DNM3: variants seen among roughly 807,000 people sequenced by gnomAD.
DNM3 encodes the protein dynamin 3, also known as dynamin-3.
DNM3 carries 47 observed loss-of-function variants against 101.6 expected under a neutral mutation model. The ratio of observed to expected loss-of-function variants is 0.46; its 90% CI spans 0.37 to 0.59. DNM3 has a LOEUF of 0.59. DNM3 is among the 20% of genes least tolerant of loss of function. The pLI is 0.00. For synonymous variants in DNM3, 385 were observed against 387.9 expected (o/e 0.99, Z 0.09); for missense variants, 849 against 1,085.7 (o/e 0.78, Z 3.06).
intron 13 of DNM3, among the ~76,000 whole-genome samples, chr1:172,113,241 G>C (rs950464340): frequency 1.3e-5 from 2 of 152,064 alleles, no homozygotes; most frequent in African/African-American, 4.8e-5. Flanking sequence ...TCTTGGTAAC[G>C]TTAACATTCC....
intron 18 of DNM3, 30 bp from the exon 19 acceptor site, chr1:172,387,103 C>T (rs1015609328): frequency 1.3e-6 from 2 of 1,571,778 alleles, no homozygotes; most frequent in African/African-American, 2.7e-5. Flanking sequence ...CATTTATTCC[C>T]ATTTTTATTT....
chr1:172,287,649 A>T (rs993738986), intron 15 of DNM3, among the ~76,000 whole-genome samples: 1 of 151,848 alleles, frequency 6.6e-6, no homozygotes. Flanking sequence ...GGTCCAAAAA[A>T]CTCGTCCCTT....
chr1:172,373,844 CT>C (rs1483845615), intron 17 of DNM3, among the ~76,000 whole-genome samples: 20 of 152,058 alleles, frequency 1.3e-4, no homozygotes, highest in African/African-American at 4.8e-4. Context: ...TCTAAGCAAT[CT>C]TCTTCAGAAT....
intron 1 of DNM3, among the ~76,000 whole-genome samples, chr1:171,871,025 G>T (rs926892286): frequency 1.3e-5 from 2 of 152,164 alleles, no homozygotes; most frequent in African/African-American, 4.8e-5. Context: ...TGACTAAAGA[G>T]GCTAAAGAGG....
At chr1:172,391,728 T>A (rs944809170) in intron 20 of DNM3, among the ~76,000 whole-genome samples, 1 of 151,980 alleles carries the variant, frequency 6.6e-6, no homozygotes, top group Non-Finnish European at 1.5e-5. Context: ...TTTTTTCAAG[T>A]TTTTTACTTT....
At chr1:171,940,077 TG>T (rs2125406126) in intron 2 of DNM3, among the ~76,000 whole-genome samples, 2 of 152,280 alleles carry the variant, frequency 1.3e-5, no homozygotes, top group African/African-American at 4.8e-5. Context: ...TTTAAGAAGT[TG>T]GTTGTTAGGG....
At chr1:172,142,952 C>T (rs1177162721) in intron 14 of DNM3, among the ~76,000 whole-genome samples, 7 of 151,870 alleles carry the variant, frequency 4.6e-5, no homozygotes, top group Admixed American at 3.9e-4. Flanking sequence ...ATATGGAACT[C>T]TCCAAGTCAC....
intron 7 of DNM3, among the ~76,000 whole-genome samples, chr1:172,041,330 G>T (rs979686720): frequency 4.6e-5 from 7 of 152,162 alleles, no homozygotes; most frequent in African/African-American, 1.7e-4. Flanking sequence ...CCCTGCCTGG[G>T]GTGGGTGGTA....
At chr1:172,300,818 C>T (rs1046705779) in intron 15 of DNM3, among the ~76,000 whole-genome samples, 1 of 152,182 alleles carries the variant, frequency 6.6e-6, no homozygotes, top group Non-Finnish European at 1.5e-5. Context: ...AAAGAGGACA[C>T]TTTTATGTAG....
At chr1:172,232,571 T>C (rs1428786733) in intron 14 of DNM3, among the ~76,000 whole-genome samples, 1 of 152,116 alleles carries the variant, frequency 6.6e-6, no homozygotes, top group Non-Finnish European at 1.5e-5. Context: ...CCACCCCAAA[T>C]CAACAGAATA....
intron 17 of DNM3, among the ~76,000 whole-genome samples, chr1:172,378,432 T>A (rs1271467741): frequency 6.6e-6 from 1 of 152,124 alleles, no homozygotes; most frequent in African/African-American, 2.4e-5. Context: ...TCTTTAGTAG[T>A]GATGACAGAA....
intron 2 of DNM3, among the ~76,000 whole-genome samples, chr1:171,973,575 G>C (rs1292965271): frequency 3.3e-5 from 5 of 151,940 alleles, no homozygotes; most frequent in African/African-American, 1.2e-4. Flanking sequence ...ACACTATTTT[G>C]CAGTGGAGGG....
rs140152160 is a variant in DNM3, at chr1:171,977,851, C to T, written c.236-9805C>T. Among the ~76,000 whole-genome samples the T allele has an allele frequency of 2.8e-3, 421 of 152,286 alleles. 5 individuals carry two copies. The highest frequency in any genetic ancestry group is 9.2e-3 in the African/African-American group (384 of 41,544). On this transcript the variant is annotated intron_variant, in intron 2 of 20. Coordinates refer to ENST00000627582, the MANE Select transcript of DNM3 (RefSeq NM_015569.5). The stretch of plus-strand genomic sequence containing the variant: ...TTTGACAATCTCTTCCACACGGTGG[C>T]TTCAATTACAACCTGAACATTACAA...
chr1:172,110,607 A>G (rs1406935075), intron 13 of DNM3, among the ~76,000 whole-genome samples: 2 of 152,242 alleles, frequency 1.3e-5, no homozygotes, highest in East Asian at 1.9e-4. Context: ...GAGACTCTAA[A>G]ATATATTAAA....
Position 172,367,821 on chromosome 1 carries a change from T to A in DNM3, c.1894-11197T>A, listed in dbSNP as rs190976804. ...TGGTTTCACTGTGTCCCCACCCAAATCTCATCTTGAATTATAGTTCTTATA... is the reference window on the plus strand; with the variant it reads ...TGGTTTCACTGTGTCCCCACCCAAAACTCATCTTGAATTATAGTTCTTATA... On this transcript the variant is annotated intron_variant, in intron 17 of 20. Coordinates refer to ENST00000627582, the MANE Select transcript of DNM3 (RefSeq NM_015569.5). 5.3e-5 allele frequency among the ~76,000 whole-genome samples: 8 copies of A among 151,934 alleles called. No homozygotes were observed. In the East Asian group the frequency reaches 1.6e-3, roughly 30 times the overall value.
chr1:172,004,231 A>G (rs1228586247), intron 4 of DNM3, among the ~76,000 whole-genome samples: 2 of 152,078 alleles, frequency 1.3e-5, no homozygotes, highest in East Asian at 1.9e-4. Context: ...GTTCCTATAA[A>G]GAGAAGAAAG....
chr1:171,938,997 T>C (rs1030128039), intron 2 of DNM3, among the ~76,000 whole-genome samples: 5 of 152,178 alleles, frequency 3.3e-5, no homozygotes, highest in Admixed American at 3.3e-4. Context: ...AATTGCTGGT[T>C]ATGTTAATTT....
At chr1:172,151,712 G>T (rs1454961209) in intron 14 of DNM3, among the ~76,000 whole-genome samples, 3 of 152,038 alleles carry the variant, frequency 2.0e-5, no homozygotes, top group Non-Finnish European at 4.4e-5. Context: ...GTGCTTCCTG[G>T]CCAGTGTGTG....
intron 17 of DNM3, among the ~76,000 whole-genome samples, chr1:172,359,177 A>G (rs1228485220): frequency 2.8e-5 from 4 of 144,506 alleles, no homozygotes; most frequent in African/African-American, 7.6e-5. Flanking sequence ...ATCAGCATCA[A>G]GTAGTGCAGT....
Sources: gnomAD v4.1 joint callset for allele counts (sites outside exome capture counted in the v4.1 genomes callset) on GRCh38, gnomAD v4.1.1 for gene constraint, MANE v1.5 for transcripts, NCBI Gene and HGNC (gene_info 2026-07-23, HGNC 2026-07-21) for gene names.